NVL: variants seen among roughly 807,000 people sequenced by gnomAD.
NVL encodes nuclear valosin-containing protein-like.
NVL carries 84 observed loss-of-function variants against 110.2 expected under a neutral mutation model. That is an observed-to-expected ratio of 0.76 (90% CI 0.64 to 0.91). The LOEUF is 0.91. Ranked by LOEUF, NVL falls within the 40% of genes least tolerant of loss-of-function variation. The probability of loss-of-function intolerance (pLI) is 0.00; values close to 1 mark genes in which losing one functional copy is unlikely to be tolerated. For missense variants in NVL, 882 were observed against 1,035.9 expected (o/e 0.85, Z 2.04); for synonymous variants, 354 against 361.1 (o/e 0.98, Z 0.22).
At chr1:224,322,145 A>G (rs950488924) in intron 2 of NVL, among the ~76,000 whole-genome samples, 1 of 152,070 alleles carries the variant, frequency 6.6e-6, no homozygotes. Flanking sequence ...CAGCGGTGCA[A>G]TCGTAGCTCA....
intron 13 of NVL, among the ~76,000 whole-genome samples, chr1:224,288,678 G>A (rs1328723553): frequency 1.3e-5 from 2 of 152,182 alleles, no homozygotes; most frequent in East Asian, 1.9e-4. Flanking sequence ...GCTCTATAAA[G>A]TAGAGGCTGT....
At chr1:224,287,670 T>G in intron 14 of NVL, 105 bp downstream of exon 14, 2 of 818,636 alleles carry the variant, frequency 2.4e-6, no homozygotes, top group Non-Finnish European at 3.9e-6. Flanking sequence ...ACAGTGATTA[T>G]AGTCAAGTCA....
In NVL at chr1:224,281,155, T is replaced by C. The variant is rs147736516; in HGVS notation, c.1930A>G (p.Ile644Val). The change falls in exon 16 of 23, where the codon ATA (isoleucine) becomes GTA (valine). Residue 644 changes from isoleucine (I) to valine (V), a missense_variant. This residue lies in a region of NVL where 416 missense variants were observed against 499.3 expected (regional missense o/e 0.83). Coordinates refer to ENST00000281701, the MANE Select transcript of NVL (RefSeq NM_002533.4). ...AGTAATTCGGGGCCCTTGACAGATA[T>C]AAAATTTAGTCCGGACTCATTTGCA... ...AVANESGLNF[I>V]SVKGPELLNM... is the part of the protein sequence containing the mutation. 1.3e-5 allele frequency: 21 copies of C among 1,613,870 alleles called. No homozygotes were observed. The East Asian group carries it at 3.3e-4, about 26-fold the overall frequency.
At chr1:224,246,664 G>A (rs1022679251) in intron 19 of NVL, among the ~76,000 whole-genome samples, 2 of 152,180 alleles carry the variant, frequency 1.3e-5, no homozygotes, top group Non-Finnish European at 2.9e-5. Context: ...TTATATGTGT[G>A]TGCTTATTTG....
intron 19 of NVL, among the ~76,000 whole-genome samples, chr1:224,248,832 A>G (rs1420400475): frequency 3.3e-5 from 5 of 152,216 alleles, no homozygotes; most frequent in Middle Eastern, 3.2e-3. Context: ...GACACACACA[A>G]TCAAGGGATT....
intron 11 of NVL, among the ~76,000 whole-genome samples, chr1:224,296,276 C>G (rs113764010): frequency 2.6e-5 from 4 of 152,228 alleles, no homozygotes; most frequent in African/African-American, 9.6e-5. Context: ...GGTAGCATCT[C>G]GCTATGTTGC....
At chr1:224,244,672 A>G (rs1488334902) in intron 19 of NVL, among the ~76,000 whole-genome samples, 1 of 147,080 alleles carries the variant, frequency 6.8e-6, no homozygotes, top group Non-Finnish European at 1.5e-5. Context: ...GGGTTTCGCC[A>G]TGTTGGTCAG....
In NVL at chr1:224,310,470, T is replaced by C. The variant is rs772420085; in HGVS notation, c.342+1330A>G. 3.3e-5 allele frequency among the ~76,000 whole-genome samples: 5 copies of C among 152,034 alleles called. No individual in the cohort carries two copies. In the East Asian group the frequency reaches 7.7e-4, roughly 23 times the overall value. Reference sequence around the variant, plus strand: ...TGCCATCTCCTTGACAAAAAGTATATCCCTTTTTCCATTTTTACTATTAAT... The same window carrying C: ...TGCCATCTCCTTGACAAAAAGTATACCCCTTTTTCCATTTTTACTATTAAT... On this transcript the variant is annotated intron_variant, in intron 5 of 22. Transcript: ENST00000281701.
intron 19 of NVL, among the ~76,000 whole-genome samples, chr1:224,241,935 G>T (rs34089126): frequency 6.6e-6 from 1 of 151,958 alleles, no homozygotes; most frequent in Non-Finnish European, 1.5e-5. Flanking sequence ...AGGAGGCTCA[G>T]GCAGGAGAAT....
At chr1:224,255,339 C>T (rs1663091819) in intron 18 of NVL, among the ~76,000 whole-genome samples, 1 of 151,772 alleles carries the variant, frequency 6.6e-6, no homozygotes, top group Non-Finnish European at 1.5e-5. Context: ...TACAGGTGCC[C>T]ACCACCATGC....
Position 224,287,964 on chromosome 1 carries a change from T to C in NVL, c.1605A>G (p.Leu535=). 6.2e-7 allele frequency: 1 copy of C among 1,613,418 alleles called. No individual in the cohort carries two copies. The highest frequency in any genetic ancestry group is 8.5e-7 in the Non-Finnish European group (1 of 1,180,006). The stretch of plus-strand genomic sequence containing the variant: ...CCTCTGAGAGGGGATCTTGGTCTCT[T>C]AGCAACCCCAGCAGCCTTTGTAATT... ...QDELQRLLGL[L]RDQDPLSEEQ... Residue 535 remains leucine, a synonymous_variant, in exon 14 of 23, where the codon CTA becomes CTG. Transcript: ENST00000281701.
chr1:224,239,219 C>A (rs1426969763), intron 19 of NVL, among the ~76,000 whole-genome samples: 1 of 151,990 alleles, frequency 6.6e-6, no homozygotes, highest in Non-Finnish European at 1.5e-5. Flanking sequence ...TAACACTGGG[C>A]GAGGAATTAG....
chr1:224,253,432 C>T (rs1446386908), intron 18 of NVL, among the ~76,000 whole-genome samples: 2 of 151,696 alleles, frequency 1.3e-5, no homozygotes, highest in African/African-American at 4.8e-5. Context: ...TAGGTATATG[C>T]TTAACTTTTA....
intron 18 of NVL, among the ~76,000 whole-genome samples, chr1:224,255,755 T>C (rs897064276): frequency 6.6e-6 from 1 of 152,258 alleles, no homozygotes; most frequent in Non-Finnish European, 1.5e-5. Flanking sequence ...TTTGCTCTTT[T>C]ATGGTTTACG....
chr1:224,330,036 G>A, intron 1 of NVL, 35 bp downstream of exon 1: 1 of 1,607,618 alleles, frequency 6.2e-7, no homozygotes, highest in African/African-American at 1.3e-5. Context: ...AGCGATCGGG[G>A]CCCTTGGCGA....
At chr1:224,301,064 C>A (rs1668353663) in intron 9 of NVL, among the ~76,000 whole-genome samples, 1 of 151,602 alleles carries the variant, frequency 6.6e-6, no homozygotes, top group African/African-American at 2.4e-5. Flanking sequence ...CGAGATCGCG[C>A]CATTGCACTC....
At chr1:224,297,391 G>T (rs948428739) in intron 10 of NVL, among the ~76,000 whole-genome samples, 1 of 152,192 alleles carries the variant, frequency 6.6e-6, no homozygotes, top group African/African-American at 2.4e-5. Flanking sequence ...GAAAGAATAA[G>T]TTAAGATGTA....
chr1:224,297,325 G>A (rs977681921), intron 10 of NVL, among the ~76,000 whole-genome samples: 1 of 152,208 alleles, frequency 6.6e-6, no homozygotes, highest in Non-Finnish European at 1.5e-5. Flanking sequence ...TAATACATCA[G>A]TGTAAAGATC....
intron 16 of NVL, among the ~76,000 whole-genome samples, chr1:224,277,945 G>A (rs1465956306): frequency 6.6e-6 from 1 of 152,142 alleles, no homozygotes; most frequent in East Asian, 1.9e-4. Flanking sequence ...ACCAGATCTT[G>A]CTTCTTTATC....
Sources: gnomAD v4.1 joint callset for allele counts (sites outside exome capture counted in the v4.1 genomes callset) on GRCh38, gnomAD v4.1.1 for gene constraint, gnomAD v4.1.1 regional missense constraint, MANE v1.5 for transcripts, NCBI Gene and HGNC (gene_info 2026-07-23, HGNC 2026-07-21) for gene names.